The following GP1BB variants were observed in gnomAD, a reference collection of about 807,000 sequenced individuals.
GP1BB encodes the protein glycoprotein Ib platelet subunit beta, also known as platelet glycoprotein Ib beta chain.
A neutral mutation model predicts 2.5 loss-of-function variants in GP1BB; 3 were observed. The ratio of observed to expected loss-of-function variants is 1.22; its 90% CI spans 0.56 to 3.15. The LOEUF (loss-of-function observed/expected upper bound fraction) is 3.15, where lower values mean the gene tolerates loss of function less well. Ranked by LOEUF, GP1BB falls within the 30% of genes most tolerant of loss-of-function variation. The pLI is 0.03. For synonymous variants in GP1BB, 191 were observed against 167.5 expected (o/e 1.14, Z -1.08); for missense variants, 316 against 307.0 (o/e 1.03, Z -0.22).
In GP1BB at chr22:19,723,922, C is replaced by T. The variant is rs1316196907; in HGVS notation, c.79C>T (p.Pro27Ser). 1 of 1,523,214 alleles carries T rather than the reference C, an allele frequency of 6.6e-7. No individual in the cohort carries two copies. The highest frequency in any genetic ancestry group is 8.8e-7 in the Non-Finnish European group (1 of 1,142,168). 94.4% of individuals were successfully genotyped at this position (1,523,214 alleles called of 1,614,324 possible). ...GCCGAGCCGCCCGGCCGCAGGTTGC[C>T]CGGCGCCCTGTAGCTGCGCGGGGAC... ...APPSRPAAGC[P>S]APCSCAGTLV... The change falls in exon 2 of 2, where the codon CCG becomes TCG. Residue 27 changes from proline to serine, a missense_variant. Transcript: ENST00000366425.
rs1216860715 is a variant in GP1BB at position 19,724,175 on chromosome 22, C to T, written c.332C>T (p.Ala111Val). ...RAWLAGRPER[A>V]PYRDLRCVAP... ...TGGCTGGCCGGCCGCCCCGAGCGTG[C>T]GCCCTACCGCGACCTGCGTTGCGTG... The change falls in exon 2 of 2, where the codon GCG becomes GTG. Residue 111 changes from alanine to valine, a missense_variant. Coordinates refer to ENST00000366425, the MANE Select transcript of GP1BB (RefSeq NM_000407.5). 7.9e-7 allele frequency: 1 copy of T among 1,266,556 alleles called. No homozygotes were observed. Among genetic ancestry groups the T allele is most frequent in the South Asian group, 2.7e-5 (1 of 37,108 alleles). 78.5% of individuals were successfully genotyped at this position (1,266,556 alleles called of 1,614,324 possible).
At chr22:19,723,748 G>T (rs1936105777) in intron 1 of GP1BB, 106 bp from the exon 2 acceptor site, 1 of 1,327,604 alleles carries the variant, frequency 7.5e-7, no homozygotes, top group Non-Finnish European at 1.0e-6. Flanking sequence ...CTACCGGGAC[G>T]CCGGGCATCA....
chr22:19,724,209 A>G lies in GP1BB; in HGVS notation c.366A>G (p.Pro122=). 8.2e-7 allele frequency: 1 copy of G among 1,226,024 alleles called. No individual in the cohort carries two copies. The highest frequency in any genetic ancestry group is 1.0e-6 in the Non-Finnish European group (1 of 987,732). 75.9% of individuals were successfully genotyped at this position (1,226,024 alleles called of 1,614,324 possible). ...PYRDLRCVAP[P]ALRGRLLPYL... ...GCGACCTGCGTTGCGTGGCGCCCCC[A>G]GCGCTGCGCGGCCGCCTGCTGCCCT... The change falls in exon 2 of 2, where the codon CCA becomes CCG. Residue 122 remains proline, a synonymous_variant. Transcript: ENST00000366425.
Position 19,723,923 on chromosome 22 carries a change from C to T in GP1BB, c.80C>T (p.Pro27Leu), listed in dbSNP as rs2145795850. ...CCGAGCCGCCCGGCCGCAGGTTGCC[C>T]GGCGCCCTGTAGCTGCGCGGGGACG... The part of the protein sequence containing the change: ...APPSRPAAGC[P>L]APCSCAGTLV... Residue 27 changes from proline (P) to leucine (L), a missense_variant, in exon 2 of 2, where the codon CCG (proline) becomes CTG (leucine). Physicochemically the swap from Pro to Leu is moderately conservative, Grantham distance 98. Transcript: ENST00000366425. 3 of 1,523,042 alleles carry T rather than the reference C, an allele frequency of 2.0e-6. No homozygotes were observed. Among genetic ancestry groups the T allele is most frequent in the African/African-American group, 1.4e-5 (1 of 70,982 alleles). The allele number at this position is 1,523,042 out of a possible 1,614,324, so 94.3% of individuals were successfully genotyped here. A position where few individuals can be genotyped will look rare whatever the true frequency, so the allele number is the denominator to read the frequency against.
At position 19,724,502 on chromosome 22, in the gene GP1BB, T is replaced by C; in HGVS notation, c.*38T>C. On this transcript the variant is annotated 3_prime_UTR_variant, in exon 2 of 2. Coordinates refer to ENST00000366425, the MANE Select transcript of GP1BB (RefSeq NM_000407.5). Reference sequence around the variant, plus strand: ...TGCGTCCTGAGGAGAGAACCGGCGCTGGGCAACACGGGCCTGCAAACTCGA... The same window carrying C: ...TGCGTCCTGAGGAGAGAACCGGCGCCGGGCAACACGGGCCTGCAAACTCGA... The C allele has an allele frequency of 1.5e-6, 2 of 1,370,940 alleles. No individual in the cohort carries two copies. The highest frequency in any genetic ancestry group is 4.0e-5 in the Admixed American group (2 of 50,596). The allele number at this position is 1,370,940 out of a possible 1,614,324, so 84.9% of individuals were successfully genotyped here.
rs1020846965 is a variant in GP1BB at position 19,724,394 on chromosome 22, C to T, written c.551C>T (p.Ala184Val). The change falls in exon 2 of 2, where the codon GCT becomes GTT. Residue 184 changes from alanine (A) to valine (V), a missense_variant. Ala to Val is a moderately conservative substitution (Grantham distance 64, BLOSUM62 0). Transcript: ENST00000366425. The stretch of plus-strand genomic sequence containing the variant: ...CGGAGGCTGCGGGCCCGGGCCCGCG[C>T]TCGCGCCGCAGCCCGGCTGTCGCTG... ...RLRRLRARAR[A>V]RAAARLSLTD... 1 of 1,536,440 alleles carries T rather than the reference C, an allele frequency of 6.5e-7. No individual in the cohort carries two copies. The highest frequency in any genetic ancestry group is 8.8e-7 in the Non-Finnish European group (1 of 1,141,228).
chr22:19,724,195 T>C lies in GP1BB; in HGVS notation c.352T>C (p.Cys118Arg). 8.1e-7 allele frequency: 1 copy of C among 1,241,288 alleles called. No homozygotes were observed. The highest frequency in any genetic ancestry group is 1.0e-6 in the Non-Finnish European group (1 of 997,156). 76.9% of individuals were successfully genotyped at this position (1,241,288 alleles called of 1,614,324 possible). ...PERAPYRDLR[C>R]VAPPALRGRL... is the part of the protein sequence containing the mutation. Reference sequence around the variant, plus strand: ...GCGTGCGCCCTACCGCGACCTGCGTTGCGTGGCGCCCCCAGCGCTGCGCGG... The same window carrying C: ...GCGTGCGCCCTACCGCGACCTGCGTCGCGTGGCGCCCCCAGCGCTGCGCGG... The change falls in exon 2 of 2, where the codon TGC becomes CGC. Residue 118 changes from cysteine (C) to arginine (R), a missense_variant. By Grantham distance (180) the Cys-to-Arg change is radical (BLOSUM62 -3). Coordinates refer to ENST00000366425, the MANE Select transcript of GP1BB (RefSeq NM_000407.5).
At position 19,724,594 on chromosome 22, in the gene GP1BB, T is replaced by G. The variant is rs1487753364; in HGVS notation, c.*130T>G. On this transcript the variant is annotated 3_prime_UTR_variant, in exon 2 of 2. Transcript: ENST00000366425. Reference sequence around the variant, plus strand: ...TCCCCGCCTCCTCCGCTGCCCAATCTCTCAGACCCACCCCACCTGCAGGCC... The same window carrying G: ...TCCCCGCCTCCTCCGCTGCCCAATCGCTCAGACCCACCCCACCTGCAGGCC... 4.2e-6 allele frequency: 3 copies of G among 721,042 alleles called. No individual in the cohort carries two copies. The East Asian group carries it at 8.3e-5, about 20-fold the overall frequency. The allele number at this position is 721,042 out of a possible 1,614,324, so 44.7% of individuals were successfully genotyped here.
At position 19,724,205 on chromosome 22, in the gene GP1BB, C is replaced by T; in HGVS notation, c.362C>T (p.Pro121Leu). 2 of 1,228,152 alleles carry T rather than the reference C, an allele frequency of 1.6e-6. No homozygotes were observed. Among genetic ancestry groups the T allele is most frequent in the Non-Finnish European group, 2.0e-6 (2 of 989,024 alleles). The allele number at this position is 1,228,152 out of a possible 1,614,324, so 76.1% of individuals were successfully genotyped here. Reference protein sequence around the residue: ...APYRDLRCVAPPALRGRLLPY... With the variant: ...APYRDLRCVALPALRGRLLPY... ...TACCGCGACCTGCGTTGCGTGGCGCCCCCAGCGCTGCGCGGCCGCCTGCTG... is the reference window on the plus strand; with the variant it reads ...TACCGCGACCTGCGTTGCGTGGCGCTCCCAGCGCTGCGCGGCCGCCTGCTG... Residue 121 changes from proline to leucine, a missense_variant, in exon 2 of 2, where the codon CCC (proline) becomes CTC (leucine). Transcript: ENST00000366425.
In GP1BB at chr22:19,724,455, C is replaced by G. The variant is rs573218514; in HGVS notation, c.612C>G (p.Asp204Glu). 171 of 1,542,170 alleles carry G rather than the reference C, an allele frequency of 1.1e-4. No homozygotes were observed. The highest frequency in any genetic ancestry group is 1.4e-4 in the Non-Finnish European group (160 of 1,141,892). Reference sequence around the variant, plus strand: ...TGGTGGCCGAGCGAGCCGGAACCGACGAGTCCTGAGGAGAGAACCGGTGCG... The same window carrying G: ...TGGTGGCCGAGCGAGCCGGAACCGAGGAGTCCTGAGGAGAGAACCGGTGCG... ...DPLVAERAGT[D>E]ES Residue 204 changes from aspartate to glutamate, a missense_variant, in exon 2 of 2, where the codon GAC becomes GAG. Transcript: ENST00000366425.
chr22:19,723,828 G>T, intron 1 of GP1BB, 26 bp from the exon 2 acceptor site: 1 of 1,517,250 alleles, frequency 6.6e-7, no homozygotes, highest in South Asian at 1.2e-5. Context: ...CCGACCGCTC[G>T]GCTTACTGCG....
Position 19,724,159 on chromosome 22 carries a change from G to C in GP1BB, c.316G>C (p.Gly106Arg), listed in dbSNP as rs1033155055. The change falls in exon 2 of 2, where the codon GGC becomes CGC. Residue 106 changes from glycine (G) to arginine (R), a missense_variant. Transcript: ENST00000366425. ...RLVPLRAWLA[G>R]RPERAPYRDL... The stretch of plus-strand genomic sequence containing the variant: ...TGTGCCGCTGCGCGCCTGGCTGGCC[G>C]GCCGCCCCGAGCGTGCGCCCTACCG... 7.6e-7 allele frequency: 1 copy of C among 1,309,896 alleles called. No homozygotes were observed. Among genetic ancestry groups the C allele is most frequent in the Non-Finnish European group, 9.7e-7 (1 of 1,030,594 alleles). 81.1% of individuals were successfully genotyped at this position (1,309,896 alleles called of 1,614,324 possible). A position where few individuals can be genotyped will look rare whatever the true frequency, so the allele number is the denominator to read the frequency against.
In GP1BB at chr22:19,724,578, C is replaced by T; in HGVS notation, c.*114C>T. 1 of 755,594 alleles carries T rather than the reference C, an allele frequency of 1.3e-6. No individual in the cohort carries two copies. Among genetic ancestry groups the T allele is most frequent in the East Asian group, 2.7e-5 (1 of 36,370 alleles). The allele number at this position is 755,594 out of a possible 1,614,324, so 46.8% of individuals were successfully genotyped here. A position where few individuals can be genotyped will look rare whatever the true frequency, so the allele number is the denominator to read the frequency against. ...CGCCAACCTGGACCGGTCCCCGCCTCCTCCGCTGCCCAATCTCTCAGACCC... is the reference window on the plus strand; with the variant it reads ...CGCCAACCTGGACCGGTCCCCGCCTTCTCCGCTGCCCAATCTCTCAGACCC... On this transcript the variant is annotated 3_prime_UTR_variant, in exon 2 of 2. Transcript: ENST00000366425.
At position 19,724,657 on chromosome 22, in the gene GP1BB, C is replaced by T; in HGVS notation, c.*193C>T. The T allele has an allele frequency of 3.3e-6, 2 of 606,344 alleles. No individual in the cohort carries two copies. The highest frequency in any genetic ancestry group is 6.0e-6 in the Non-Finnish European group (2 of 333,344). 37.6% of individuals were successfully genotyped at this position (606,344 alleles called of 1,614,324 possible). A position where few individuals can be genotyped will look rare whatever the true frequency, so the allele number is the denominator to read the frequency against. The stretch of plus-strand genomic sequence containing the variant: ...GACAGAACTCCTGCCCACCCTACCC[C>T]GAGGGAGGCGAACCCGCACTTCCAG... On this transcript the variant is annotated 3_prime_UTR_variant, in exon 2 of 2. Transcript: ENST00000366425.
rs1041454551 is a variant in GP1BB at position 19,724,570 on chromosome 22, C to G, written c.*106C>G. ...GGCCCTCGCGCCAACCTGGACCGGTCCCCGCCTCCTCCGCTGCCCAATCTC... is the reference window on the plus strand; with the variant it reads ...GGCCCTCGCGCCAACCTGGACCGGTGCCCGCCTCCTCCGCTGCCCAATCTC... On this transcript the variant is annotated 3_prime_UTR_variant, in exon 2 of 2. Coordinates refer to ENST00000366425, the MANE Select transcript of GP1BB (RefSeq NM_000407.5). 1.2e-6 allele frequency: 1 copy of G among 811,080 alleles called. No individual in the cohort carries two copies. The highest frequency in any genetic ancestry group is 1.4e-5 in the South Asian group (1 of 69,046). 50.2% of individuals were successfully genotyped at this position (811,080 alleles called of 1,614,324 possible). A position where few individuals can be genotyped will look rare whatever the true frequency, so the allele number is the denominator to read the frequency against.
rs949870745 is a variant in GP1BB, at chr22:19,724,511, C to G, written c.*47C>G. 1 of 1,304,922 alleles carries G rather than the reference C, an allele frequency of 7.7e-7. No homozygotes were observed. Among genetic ancestry groups the G allele is most frequent in the Non-Finnish European group, 1.1e-6 (1 of 925,714 alleles). 80.8% of individuals were successfully genotyped at this position (1,304,922 alleles called of 1,614,324 possible). ...AGGAGAGAACCGGCGCTGGGCAACACGGGCCTGCAAACTCGACAGGACCCT... is the reference window on the plus strand; with the variant it reads ...AGGAGAGAACCGGCGCTGGGCAACAGGGGCCTGCAAACTCGACAGGACCCT... On this transcript the variant is annotated 3_prime_UTR_variant, in exon 2 of 2. Coordinates refer to ENST00000366425, the MANE Select transcript of GP1BB (RefSeq NM_000407.5).
intron 1 of GP1BB, 124 bp downstream of exon 1, chr22:19,723,703 G>A (rs1232141255): frequency 1.5e-6 from 2 of 1,349,448 alleles, no homozygotes; most frequent in Non-Finnish European, 2.0e-6. Context: ...CTTCCAGCCG[G>A]CGTGCGGGGT....
Position 19,724,007 on chromosome 22 carries a change from T to A in GP1BB, c.164T>A (p.Val55Asp). The change falls in exon 2 of 2, where the codon GTC (valine) becomes GAC (aspartate). Residue 55 changes from valine (V) to aspartate (D), a missense_variant. Coordinates refer to ENST00000366425, the MANE Select transcript of GP1BB (RefSeq NM_000407.5). ...GCCTCGCTGCCGACCGCCTTCCCTG[T>A]CGACACAACCGAGCTGGTGCTGACC... ...TWASLPTAFPVDTTELVLTGN... is the reference protein window; with the variant it reads ...TWASLPTAFPDDTTELVLTGN... 6.5e-7 allele frequency: 1 copy of A among 1,537,572 alleles called. No homozygotes were observed. The highest frequency in any genetic ancestry group is 8.7e-7 in the Non-Finnish European group (1 of 1,149,040).
Position 19,724,366 on chromosome 22 carries a change from C to G in GP1BB, c.523C>G (p.Leu175Val). 2 of 1,499,570 alleles carry G rather than the reference C, an allele frequency of 1.3e-6. No individual in the cohort carries two copies. Among genetic ancestry groups the G allele is most frequent in the Non-Finnish European group, 1.8e-6 (2 of 1,127,556 alleles). 92.9% of individuals were successfully genotyped at this position (1,499,570 alleles called of 1,614,324 possible). The change falls in exon 2 of 2, where the codon CTG becomes GTG. Residue 175 changes from leucine (L) to valine (V), a missense_variant. Leu to Val is a conservative substitution (Grantham distance 32, BLOSUM62 1). Transcript: ENST00000366425. ...ALLLVLLLCRLRRLRARARAR... is the reference protein window; with the variant it reads ...ALLLVLLLCRVRRLRARARAR... ...GCTGCTGGTGCTGCTGCTGTGCCGCCTGCGGAGGCTGCGGGCCCGGGCCCG... is the reference window on the plus strand; with the variant it reads ...GCTGCTGGTGCTGCTGCTGTGCCGCGTGCGGAGGCTGCGGGCCCGGGCCCG...
Sources: gnomAD v4.1 joint callset for allele counts on GRCh38, gnomAD v4.1.1 for gene constraint, MANE v1.5 for transcripts, NCBI Gene and HGNC (gene_info 2026-07-23, HGNC 2026-07-21) for gene names.